TBXAS1: variants seen among roughly 807,000 people sequenced by gnomAD.
TBXAS1 encodes the protein thromboxane A synthase 1.
A neutral mutation model predicts 60.7 loss-of-function variants in TBXAS1; 48 were observed. That is an observed-to-expected ratio of 0.79 (90% CI 0.63 to 1.01). The LOEUF (loss-of-function observed/expected upper bound fraction) is 1.01, where lower values mean the gene tolerates loss of function less well. Among genes scored for constraint, TBXAS1 ranks in the 50% least tolerant of loss-of-function variants. The pLI is 0.00. For missense variants in TBXAS1, 685 were observed against 686.3 expected (o/e 1.00, Z 0.02); for synonymous variants, 287 against 269.7 (o/e 1.06, Z -0.63).
upstream of TBXAS1, among the ~76,000 whole-genome samples, chr7:139,825,860 G>A (rs548020200): frequency 6.6e-6 from 1 of 152,170 alleles, no homozygotes; most frequent in Admixed American, 6.5e-5. Context: ...GGCCTTTGTG[G>A]TAAAATACAC....
intron 4 of TBXAS1, among the ~76,000 whole-genome samples, chr7:139,818,955 C>T (rs748238124): frequency 5.9e-5 from 9 of 152,206 alleles, no homozygotes; most frequent in Non-Finnish European, 1.2e-4. Context: ...CCTCTCCATC[C>T]CTGATCCCTG....
chr7:139,837,169 G>A (rs117997943), intron 1 of TBXAS1, among the ~76,000 whole-genome samples: 14,378 of 152,220 alleles, frequency 0.094, 793 homozygotes, highest in Non-Finnish European at 0.13. Flanking sequence ...AGATGTTGGC[G>A]AGGATGTGGT....
intron 3 of TBXAS1, among the ~76,000 whole-genome samples, chr7:139,879,101 A>G (rs1360056957): frequency 6.6e-6 from 1 of 152,038 alleles, no homozygotes; most frequent in Non-Finnish European, 1.5e-5. Context: ...TTCCCCTCCC[A>G]CTCCCTACCA....
intron 1 of TBXAS1, among the ~76,000 whole-genome samples, chr7:139,862,567 A>G (rs1801046958): frequency 6.6e-6 from 1 of 152,202 alleles, no homozygotes; most frequent in South Asian, 2.1e-4. Context: ...ACTGGGAAGG[A>G]ATGAAGAAAA....
chr7:139,857,390 G>T (rs1349191606), intron 1 of TBXAS1, among the ~76,000 whole-genome samples: 1 of 151,972 alleles, frequency 6.6e-6, no homozygotes, highest in East Asian at 1.9e-4. Context: ...TTTGGGGGAA[G>T]GTTTTATGCT....
intron 4 of TBXAS1, among the ~76,000 whole-genome samples, chr7:139,819,768 G>C (rs1798247959): frequency 6.6e-6 from 1 of 152,042 alleles, no homozygotes; most frequent in African/African-American, 2.4e-5. Context: ...CTCCTAAAGT[G>C]CTGGAATTGC....
intron 1 of TBXAS1, among the ~76,000 whole-genome samples, chr7:139,842,024 A>G (rs1041551072): frequency 5.9e-5 from 9 of 152,166 alleles, no homozygotes; most frequent in Non-Finnish European, 1.2e-4. Context: ...TGCAATTTTA[A>G]AAATGTGATT....
chr7:139,918,801 C>T (rs144213397), intron 4 of TBXAS1, among the ~76,000 whole-genome samples: 1 of 152,220 alleles, frequency 6.6e-6, no homozygotes, highest in African/African-American at 2.4e-5. Context: ...GAGCTGTGGA[C>T]ACATCTCACA....
At position 139,950,279 on chromosome 7, in the gene TBXAS1, G is replaced by A. The variant is rs1227170991; in HGVS notation, c.451-3089G>A. Among the ~76,000 whole-genome samples, 8 of 151,916 alleles carry A rather than the reference G, an allele frequency of 5.3e-5. No homozygotes were observed. In the South Asian group the frequency reaches 1.2e-3, roughly 24 times the overall value. Reference sequence around the variant, plus strand: ...TTGAACTCCTGACTTCAAGTGATCCGCCTGCCTTGGCCTCCGAAAGTGCTG... The same window carrying A: ...TTGAACTCCTGACTTCAAGTGATCCACCTGCCTTGGCCTCCGAAAGTGCTG... On this transcript the variant is annotated intron_variant, in intron 5 of 12. Transcript: ENST00000448866.
chr7:139,915,500 A>G (rs1412264383), intron 4 of TBXAS1, among the ~76,000 whole-genome samples: 1 of 152,246 alleles, frequency 6.6e-6, no homozygotes, highest in Non-Finnish European at 1.5e-5. Context: ...GTGAAAAGGA[A>G]TTTAAATAAT....
chr7:139,954,271 TAC>T (rs1209919560), intron 6 of TBXAS1, among the ~76,000 whole-genome samples: 8 of 152,254 alleles, frequency 5.3e-5, no homozygotes, highest in Non-Finnish European at 7.3e-5. Context: ...TGCACCAGTT[TAC>T]ACAGTCTTTT....
At chr7:139,840,135 G>A (rs974446418) in intron 1 of TBXAS1, among the ~76,000 whole-genome samples, 2 of 152,128 alleles carry the variant, frequency 1.3e-5, no homozygotes, top group Admixed American at 6.5e-5. Context: ...TTACCACTAT[G>A]CCTGGAAGTT....
intron 1 of TBXAS1, among the ~76,000 whole-genome samples, chr7:139,850,321 G>A (rs918454825): frequency 6.6e-6 from 1 of 152,118 alleles, no homozygotes; most frequent in Non-Finnish European, 1.5e-5. Flanking sequence ...CTAAAATATA[G>A]ACTAGTTAGT....
Position 139,999,423 on chromosome 7 carries a change from C to A in TBXAS1, c.1135-7668C>A, listed in dbSNP as rs1813515370. On this transcript the variant is annotated intron_variant, in intron 9 of 12. Transcript: ENST00000448866. The surrounding 1 kb of genome is among the most constrained non-coding windows in gnomAD (Gnocchi z 4.3). ...CCTGTAATTCCAGCTACTTGGGAGG[C>A]TGACGCATGAGACTCGCTTGAACCC... Among the ~76,000 whole-genome samples the A allele has an allele frequency of 6.6e-6, 1 of 152,194 alleles. No individual in the cohort carries two copies. The highest frequency in any genetic ancestry group is 1.5e-5 in the Non-Finnish European group (1 of 68,034).
intron 3 of TBXAS1, among the ~76,000 whole-genome samples, chr7:139,885,498 T>A (rs1274902214): frequency 6.6e-6 from 1 of 152,246 alleles, no homozygotes; most frequent in Non-Finnish European, 1.5e-5. Context: ...CACATGGCTG[T>A]ATGCATATAT....
chr7:139,824,749 TG>T (rs1353049934), upstream of TBXAS1, among the ~76,000 whole-genome samples: 1 of 152,004 alleles, frequency 6.6e-6, no homozygotes, highest in Non-Finnish European at 1.5e-5. Flanking sequence ...AGTTTGTCAG[TG>T]GGAGTTGGGA....
intron 12 of TBXAS1, among the ~76,000 whole-genome samples, chr7:140,018,770 G>A (rs1277008130): frequency 6.6e-6 from 1 of 152,236 alleles, no homozygotes; most frequent in Non-Finnish European, 1.5e-5. Flanking sequence ...GACCCAGTCT[G>A]TCATATTCAT....
At chr7:139,872,132 T>C in intron 1 of TBXAS1, 103 bp from the exon 2 acceptor site, 1 of 1,206,044 alleles carries the variant, frequency 8.3e-7, no homozygotes. Context: ...ACCTATTCTT[T>C]TGCCTTTACT....
chr7:139,910,252 A>G (rs1191005179), intron 3 of TBXAS1, among the ~76,000 whole-genome samples: 1 of 152,200 alleles, frequency 6.6e-6, no homozygotes, highest in African/African-American at 2.4e-5. Flanking sequence ...ATAATATGAC[A>G]TGTGTTTACG....
Sources: gnomAD v4.1 joint callset for allele counts (sites outside exome capture counted in the v4.1 genomes callset) on GRCh38, gnomAD v4.1.1 for gene constraint, Gnocchi (gnomAD v3.1) non-coding constraint, MANE v1.5 for transcripts, NCBI Gene and HGNC (gene_info 2026-07-23, HGNC 2026-07-21) for gene names.